The following FRMD5 variants were observed in gnomAD, a reference collection of about 807,000 sequenced individuals.
FRMD5 encodes the protein FERM domain containing 5.
A neutral mutation model predicts 69.0 loss-of-function variants in FRMD5; 20 were observed. The observed-to-expected ratio is 0.29, with a 90% confidence interval of 0.20 to 0.42. The LOEUF (loss-of-function observed/expected upper bound fraction) is 0.42. Among genes scored for constraint, FRMD5 ranks in the 10% least tolerant of loss-of-function variants. The pLI, the probability that FRMD5 is intolerant of heterozygous loss-of-function variation, is 1.00. For synonymous variants in FRMD5, 271 were observed against 260.1 expected (o/e 1.04, Z -0.40); for missense variants, 595 against 708.6 (o/e 0.84, Z 1.82).
At chr15:44,160,593 C>T (rs2077601228) in intron 1 of FRMD5, among the ~76,000 whole-genome samples, 1 of 152,174 alleles carries the variant, frequency 6.6e-6, no homozygotes. Context: ...TGAGCATCTT[C>T]CTGTATTATA....
chr15:43,947,920 C>T (rs993324452), intron 1 of FRMD5, among the ~76,000 whole-genome samples: 7 of 152,134 alleles, frequency 4.6e-5, no homozygotes, highest in Non-Finnish European at 5.9e-5. Context: ...AATAACTATC[C>T]TTGGGCTTAT....
At chr15:43,965,515 C>T (rs2090278611) in intron 1 of FRMD5, among the ~76,000 whole-genome samples, 1 of 151,834 alleles carries the variant, frequency 6.6e-6, no homozygotes, top group Non-Finnish European at 1.5e-5. Flanking sequence ...TAAGACTGCA[C>T]CTAATTTCCC....
At chr15:43,951,398 G>T (rs1424379509) in intron 1 of FRMD5, among the ~76,000 whole-genome samples, 1 of 150,386 alleles carries the variant, frequency 6.6e-6, no homozygotes, top group Non-Finnish European at 1.5e-5. Flanking sequence ...CTCCAGCCTG[G>T]GCCACAGGGT....
chr15:43,923,383 T>C (rs1383718079), intron 2 of FRMD5, among the ~76,000 whole-genome samples: 2 of 152,140 alleles, frequency 1.3e-5, no homozygotes, highest in Non-Finnish European at 2.9e-5. Context: ...GGAGGATCCC[T>C]AATACAGAGT....
rs925871153 is a variant in FRMD5 at position 43,873,344 on chromosome 15, A to AAAC, written c.*540_*541insGTT. ...TTTTTAAAAGTTCTGGCTGGCAAAA[A>AAAC]AAACAAACAAAAAACTAAACAGTCC... On this transcript the variant is annotated 3_prime_UTR_variant, in exon 14 of 14. Coordinates refer to ENST00000417257, the MANE Select transcript of FRMD5 (RefSeq NM_032892.5). 5.4e-6 allele frequency: 8 copies of AAAC among 1,476,894 alleles called. No individual in the cohort carries two copies. The African/African-American group carries it at 9.9e-5, about 18-fold the overall frequency. The allele number at this position is 1,476,894 out of a possible 1,614,324, so 91.5% of individuals were successfully genotyped here.
At chr15:43,932,534 A>T (rs956679791) in intron 1 of FRMD5, among the ~76,000 whole-genome samples, 1 of 152,220 alleles carries the variant, frequency 6.6e-6, no homozygotes, top group Non-Finnish European at 1.5e-5. Context: ...CCTAGAAAGG[A>T]GGAGCTGAAT....
intron 1 of FRMD5, among the ~76,000 whole-genome samples, chr15:44,143,092 A>C (rs1388910140): frequency 6.8e-6 from 1 of 147,696 alleles, no homozygotes; most frequent in African/African-American, 2.5e-5. Context: ...ACTCCGTCTC[A>C]AAAAAAAAAA....
intron 1 of FRMD5, among the ~76,000 whole-genome samples, chr15:44,008,429 AT>A (rs944262156): frequency 6.7e-6 from 1 of 148,576 alleles, no homozygotes; most frequent in Non-Finnish European, 1.5e-5. Flanking sequence ...ACACCTGGCT[AT>A]TTTTTTTGTA....
chr15:44,015,113 G>GAGAC (rs1890897891), intron 1 of FRMD5, among the ~76,000 whole-genome samples: 1 of 151,668 alleles, frequency 6.6e-6, no homozygotes, highest in Non-Finnish European at 1.5e-5. Context: ...ATGGTACCAT[G>GAGAC]AGACCCAAGC....
chr15:44,058,224 G>A (rs2140369486), intron 1 of FRMD5, among the ~76,000 whole-genome samples: 1 of 152,278 alleles, frequency 6.6e-6, no homozygotes, highest in East Asian at 1.9e-4. Flanking sequence ...GCAGTATCAA[G>A]TGAAGGAAGC....
intron 1 of FRMD5, among the ~76,000 whole-genome samples, chr15:43,948,165 T>C (rs929212530): frequency 3.3e-5 from 5 of 152,216 alleles, no homozygotes; most frequent in Non-Finnish European, 5.9e-5. Context: ...GAGCTGGGAA[T>C]TGAACCCAAG....
At chr15:44,134,334 T>G (rs1225072045) in intron 1 of FRMD5, among the ~76,000 whole-genome samples, 1 of 152,090 alleles carries the variant, frequency 6.6e-6, no homozygotes, top group Non-Finnish European at 1.5e-5. Context: ...CTAAGGCTCA[T>G]GAAAAATATG....
chr15:43,933,159 T>C (rs2089704095), intron 1 of FRMD5, among the ~76,000 whole-genome samples: 1 of 151,990 alleles, frequency 6.6e-6, no homozygotes, highest in Admixed American at 6.6e-5. Context: ...GGAGAGACAG[T>C]TTCCTGTACA....
intron 1 of FRMD5, among the ~76,000 whole-genome samples, chr15:44,047,543 C>T (rs1202607889): frequency 6.6e-6 from 1 of 152,126 alleles, no homozygotes; most frequent in Non-Finnish European, 1.5e-5. Context: ...ACATCTATGA[C>T]AAACAATTCT....
chr15:44,129,292 T>C (rs1311075375), intron 1 of FRMD5, among the ~76,000 whole-genome samples: 4 of 152,240 alleles, frequency 2.6e-5, no homozygotes. Flanking sequence ...AACTTTTGTA[T>C]ACTTAGTAAA....
chr15:44,086,581 A>C (rs1284651400), intron 1 of FRMD5, among the ~76,000 whole-genome samples: 1 of 152,176 alleles, frequency 6.6e-6, no homozygotes. Flanking sequence ...GTGACTGCTA[A>C]GTGGGTTTCC....
At chr15:43,937,498 C>T (rs1010949723) in intron 1 of FRMD5, among the ~76,000 whole-genome samples, 1 of 151,856 alleles carries the variant, frequency 6.6e-6, no homozygotes, top group Non-Finnish European at 1.5e-5. Context: ...ATTAGCTGGG[C>T]GTGATGGTAC....
At chr15:44,097,239 A>C (rs1245353327) in intron 1 of FRMD5, among the ~76,000 whole-genome samples, 1 of 152,220 alleles carries the variant, frequency 6.6e-6, no homozygotes. Context: ...AGAGTTGATG[A>C]GTGAGAGTAA....
intron 1 of FRMD5, among the ~76,000 whole-genome samples, chr15:44,191,159 C>A (rs915445959): frequency 5.3e-5 from 8 of 152,144 alleles, no homozygotes; most frequent in Non-Finnish European, 1.2e-4. Context: ...GAGTAGCTCA[C>A]CTTTCAGTAA....
Sources: allele counts gnomAD v4.1 joint callset (sites outside exome capture counted in the v4.1 genomes callset), GRCh38; gene constraint gnomAD v4.1.1; transcripts MANE v1.5; gene names NCBI Gene and HGNC (gene_info 2026-07-23, HGNC 2026-07-21).